TIMP4: variants seen among roughly 807,000 people sequenced by gnomAD.
The protein encoded by TIMP4 is metalloproteinase inhibitor 4.
In TIMP4, 28 loss-of-function variants were observed where a neutral mutation model predicts 27.3. The ratio of observed to expected loss-of-function variants is 1.03; its 90% confidence interval spans 0.76 to 1.41. The LOEUF is 1.41. Among genes scored for constraint, TIMP4 ranks in the 40% most tolerant of loss-of-function variants. The probability of loss-of-function intolerance (pLI) is 0.00; values close to 1 mark genes in which losing one functional copy is unlikely to be tolerated. For synonymous variants in TIMP4, 138 were observed against 115.5 expected (o/e 1.20, Z -1.25); for missense variants, 307 against 285.5 (o/e 1.08, Z -0.54).
At chr3:12,156,372 A>G (rs1697459045) in intron 3 of TIMP4, among the ~76,000 whole-genome samples, 1 of 152,178 alleles carries the variant, frequency 6.6e-6, no homozygotes, top group Non-Finnish European at 1.5e-5. Flanking sequence ...CAGCCAATTC[A>G]GTATGGAGGA....
In TIMP4 at chr3:12,153,496, T is replaced by G. The variant is rs1473295839; in HGVS notation, c.*19A>C. The G allele has an allele frequency of 1.6e-5, 26 of 1,612,358 alleles. No individual in the cohort carries two copies. Among genetic ancestry groups the G allele is most frequent in the Non-Finnish European group, 2.2e-5 (26 of 1,179,858 alleles). ...GATCTTCAGGACTCTTGAAGGGATG[T>G]GATGGTCACTGGTCCCTACTAGGGC... On this transcript the variant is annotated 3_prime_UTR_variant, in exon 5 of 5. Coordinates refer to ENST00000287814, the MANE Select transcript of TIMP4 (RefSeq NM_003256.4).
In TIMP4 at chr3:12,153,843, C is replaced by T. The variant is rs946789130; in HGVS notation, c.478-131G>A. 1.6e-5 allele frequency: 15 copies of T among 962,550 alleles called. No individual in the cohort carries two copies. The African/African-American group carries it at 2.3e-4, about 15-fold the overall frequency. The allele number at this position is 962,550 out of a possible 1,614,324, so 59.6% of individuals were successfully genotyped here. A position where few individuals can be genotyped will look rare whatever the true frequency, so the allele number is the denominator to read the frequency against. On this transcript the variant is annotated intron_variant, in intron 4 of 4. Coordinates refer to ENST00000287814, the MANE Select transcript of TIMP4 (RefSeq NM_003256.4). ...TATCTTATCAAGCCTTTCCCAGTCC[C>T]CAGTCTTCTCCTGGATTCTCCTTCC...
intron 3 of TIMP4, among the ~76,000 whole-genome samples, chr3:12,156,034 CTT>C (rs1387193689): frequency 6.6e-6 from 1 of 152,210 alleles, no homozygotes; most frequent in Non-Finnish European, 1.5e-5. Context: ...ACAGTGAACT[CTT>C]TTAAGGACTG....
chr3:12,153,263 G>T lies in TIMP4; in HGVS notation c.*252C>A. On this transcript the variant is annotated 3_prime_UTR_variant, in exon 5 of 5. Coordinates refer to ENST00000287814, the MANE Select transcript of TIMP4 (RefSeq NM_003256.4). ...GTCCTGGCTTTAGAAAACAGACTAA[G>T]CCAGAAGAAACACTTGCAGTAACAG... The T allele has an allele frequency of 1.8e-6, 1 of 558,554 alleles. No homozygotes were observed. The allele number at this position is 558,554 out of a possible 1,614,324, so 34.6% of individuals were successfully genotyped here.
At chr3:12,157,029 T>A in intron 2 of TIMP4, 95 bp from the exon 3 acceptor site, 1 of 881,400 alleles carries the variant, frequency 1.1e-6, no homozygotes, top group Non-Finnish European at 1.8e-6. Context: ...CCTAAAAATG[T>A]AAGCAAAAGT....
At chr3:12,156,985 A>G (rs10433537) in intron 2 of TIMP4, 51 bp from the exon 3 acceptor site, 14 of 1,321,718 alleles carry the variant, frequency 1.1e-5, no homozygotes, top group Admixed American at 3.8e-5. Flanking sequence ...AGTGTACTGT[A>G]TATATTAACA....
Position 12,157,450 on chromosome 3 carries a change from C to A in TIMP4, c.172G>T (p.Val58Phe). The change falls in exon 2 of 5, where the codon GTT (valine) becomes TTT (phenylalanine). Residue 58 changes from valine (V) to phenylalanine (F), a missense_variant. Val to Phe is a conservative substitution (Grantham distance 50, BLOSUM62 -1). Coordinates refer to ENST00000287814, the MANE Select transcript of TIMP4 (RefSeq NM_003256.4). ...IRAKISSEKVVPASADPADTE... is the reference protein window; with the variant it reads ...IRAKISSEKVFPASADPADTE... Reference sequence around the variant, plus strand: ...TCAGCAGGGTCTGCACTGGCCGGAACTACCTTCTCACTGGAGATTTTGGCC... The same window carrying A: ...TCAGCAGGGTCTGCACTGGCCGGAAATACCTTCTCACTGGAGATTTTGGCC... 1.9e-6 allele frequency: 3 copies of A among 1,614,192 alleles called. No individual in the cohort carries two copies. The highest frequency in any genetic ancestry group is 2.5e-6 in the Non-Finnish European group (3 of 1,180,036).
intron 1 of TIMP4, 197 bp downstream of exon 1, chr3:12,158,505 C>A: frequency 2.8e-6 from 2 of 707,190 alleles, no homozygotes; most frequent in Non-Finnish European, 4.5e-6. Flanking sequence ...ATCTTCATTT[C>A]CTTATGAATC....
At position 12,153,729 on chromosome 3, in the gene TIMP4, A is replaced by G. The variant is rs372705116; in HGVS notation, c.478-17T>C. 113 of 1,613,870 alleles carry G rather than the reference A, an allele frequency of 7.0e-5. No individual in the cohort carries two copies. The highest frequency in any genetic ancestry group is 1.0e-4 in the Admixed American group (6 of 60,002). ...GGTGGTGATCTAGAGTCATGGCCAC[A>G]CAACATTAAAGTGAGTAGGGTGTCC... On this transcript the variant is annotated splice_polypyrimidine_tract_variant and intron_variant, in intron 4 of 4. Transcript: ENST00000287814.
In TIMP4 at chr3:12,156,816, T is replaced by G. The variant is rs760496338; in HGVS notation, c.352+4A>C. The G allele has an allele frequency of 1.9e-6, 3 of 1,612,590 alleles. No homozygotes were observed. Among genetic ancestry groups the G allele is most frequent in the Non-Finnish European group, 2.5e-6 (3 of 1,178,610 alleles). ...TAAGGCCAGTTGTTGGTCTTTTAAC[T>G]TACCAGTCAAGAGATACTGCTTCTG... On this transcript the variant is annotated splice_donor_region_variant and intron_variant, in intron 3 of 4. Transcript: ENST00000287814.
At chr3:12,155,299 G>A (rs1328660771) in intron 3 of TIMP4, among the ~76,000 whole-genome samples, 3 of 152,218 alleles carry the variant, frequency 2.0e-5, no homozygotes, top group Admixed American at 1.3e-4. Flanking sequence ...TTACACTATT[G>A]TGTGGTTCTA....
Position 12,158,750 on chromosome 3 carries a change from T to C in TIMP4, c.91A>G (p.Ser31Gly). The change falls in exon 1 of 5, where the codon AGC becomes GGC. Residue 31 changes from serine (S) to glycine (G), a missense_variant. By Grantham distance (56) the Ser-to-Gly change is moderately conservative. Coordinates refer to ENST00000287814, the MANE Select transcript of TIMP4 (RefSeq NM_003256.4). ...LRPPGLGEAC[S>G]CAPAHPQQHI... The stretch of plus-strand genomic sequence containing the variant: ...TGCTGAGGGTGCGCCGGGGCGCAGC[T>C]GCATGCCTCACCCAGCCCCGGGGGC... 6.2e-7 allele frequency: 1 copy of C among 1,608,430 alleles called. No individual in the cohort carries two copies. Among genetic ancestry groups the C allele is most frequent in the Admixed American group, 1.7e-5 (1 of 59,954 alleles).
chr3:12,155,298 TG>T (rs1365975448), intron 3 of TIMP4, among the ~76,000 whole-genome samples: 1 of 152,220 alleles, frequency 6.6e-6, no homozygotes, highest in African/African-American at 2.4e-5. Context: ...ATTACACTAT[TG>T]TGTGGTTCTA....
rs1384202959 is a variant in TIMP4 at position 12,158,874 on chromosome 3, C to A, written c.-34G>T. The A allele has an allele frequency of 6.6e-7, 1 of 1,516,220 alleles. No individual in the cohort carries two copies. Among genetic ancestry groups the A allele is most frequent in the Non-Finnish European group, 8.8e-7 (1 of 1,135,096 alleles). The allele number at this position is 1,516,220 out of a possible 1,614,324, so 93.9% of individuals were successfully genotyped here. Reference sequence around the variant, plus strand: ...AGATCCGCGACTGAGCCTGTGAGGTCTGGGGGACTGGACGGCCCCAGCAGG... The same window carrying A: ...AGATCCGCGACTGAGCCTGTGAGGTATGGGGGACTGGACGGCCCCAGCAGG... On this transcript the variant is annotated 5_prime_UTR_variant, in exon 1 of 5. Coordinates refer to ENST00000287814, the MANE Select transcript of TIMP4 (RefSeq NM_003256.4).
chr3:12,158,476 T>A (rs1364727760), intron 1 of TIMP4, among the ~76,000 whole-genome samples: 1 of 152,166 alleles, frequency 6.6e-6, no homozygotes, highest in Non-Finnish European at 1.5e-5. Context: ...GGGAGGTCGC[T>A]ATGGAAGTCC....
intron 3 of TIMP4, among the ~76,000 whole-genome samples, chr3:12,155,594 G>A (rs1166943232): frequency 6.6e-6 from 1 of 152,196 alleles, no homozygotes; most frequent in Non-Finnish European, 1.5e-5. Flanking sequence ...GACAAAGCTA[G>A]AGAGGGCAGC....
At position 12,154,446 on chromosome 3, in the gene TIMP4, C is replaced by T; in HGVS notation, c.358G>A (p.Val120Ile). The T allele has an allele frequency of 6.2e-7, 1 of 1,614,062 alleles. No individual in the cohort carries two copies. The highest frequency in any genetic ancestry group is 8.5e-7 in the Non-Finnish European group (1 of 1,180,008). The change falls in exon 4 of 5, where the codon GTC becomes ATC. Residue 120 changes from valine (V) to isoleucine (I), a missense_variant. Val to Ile is a conservative substitution (Grantham distance 29). Transcript: ENST00000287814. ...ATGAAGACTTTTCCATCACTGAGGA[C>T]CTGACCTTCAAGGGGAGATGGAGGA... ...SQKQYLLTGQVLSDGKVFIHL... is the reference protein window; with the variant it reads ...SQKQYLLTGQILSDGKVFIHL...
intron 3 of TIMP4, among the ~76,000 whole-genome samples, chr3:12,155,492 A>C (rs1427757756): frequency 1.3e-5 from 2 of 152,196 alleles, no homozygotes; most frequent in Non-Finnish European, 2.9e-5. Flanking sequence ...TCCTGTGCAG[A>C]GGCAGGGAGA....
intron 4 of TIMP4, 73 bp from the exon 5 acceptor site, chr3:12,153,785 T>G (rs1264418153): frequency 2.0e-6 from 3 of 1,528,678 alleles, no homozygotes; most frequent in Non-Finnish European, 2.7e-6. Context: ...TTCAGATTCC[T>G]ACGTACCTTT....
Sources: allele counts gnomAD v4.1 joint callset (sites outside exome capture counted in the v4.1 genomes callset), GRCh38; gene constraint gnomAD v4.1.1; transcripts MANE v1.5; gene names NCBI Gene and HGNC (gene_info 2026-07-23, HGNC 2026-07-21).